The following SLC12A7 variants were observed in gnomAD, a reference collection of about 807,000 sequenced individuals.
SLC12A7 encodes the protein solute carrier family 12 member 7, also known as K-Cl cotransporter 4.
A neutral mutation model predicts 120.6 loss-of-function variants in SLC12A7; 100 were observed. The ratio of observed to expected loss-of-function variants is 0.83; its 90% CI spans 0.71 to 0.98. The LOEUF (loss-of-function observed/expected upper bound fraction) is 0.98, where lower values mean the gene tolerates loss of function less well. SLC12A7 is among the 50% of genes least tolerant of loss of function. The probability of loss-of-function intolerance (pLI) is 0.00; values close to 1 mark genes in which losing one functional copy is unlikely to be tolerated. For missense variants in SLC12A7, 1,373 were observed against 1,548.1 expected (o/e 0.89, Z 1.90); for synonymous variants, 760 against 678.0 (o/e 1.12, Z -1.88).
At chr5:1,085,164 C>T (rs1012340564) in intron 7 of SLC12A7, 68 bp downstream of exon 7, 140 of 1,567,568 alleles carry the variant, frequency 8.9e-5, no homozygotes, top group Non-Finnish European at 1.1e-4. Context: ...GGACGAGAGG[C>T]GGGCAGAGCC....
intron 1 of SLC12A7, among the ~76,000 whole-genome samples, chr5:1,099,849 C>T (rs1231165014): frequency 6.6e-6 from 1 of 152,236 alleles, no homozygotes; most frequent in Non-Finnish European, 1.5e-5. Flanking sequence ...GGCCCCTTCA[C>T]AACCACCACG....
At chr5:1,142,554 C>G in the SLC12A7 span, among the ~76,000 whole-genome samples, 7 of 119,952 alleles carry the variant, frequency 5.8e-5, no homozygotes, top group African/African-American at 9.9e-5. Flanking sequence ...CTGTGTGTGT[C>G]TCTCTCTCTG....
At chr5:1,147,652 C>G in the SLC12A7 span, among the ~76,000 whole-genome samples, 1 of 152,204 alleles carries the variant, frequency 6.6e-6, no homozygotes, top group Non-Finnish European at 1.5e-5. Flanking sequence ...TCTCTGCTCC[C>G]CTTCAAGATG....
chr5:1,073,621 C>T lies in SLC12A7; in HGVS notation c.2241+12G>A, dbSNP rs375251133. 5.6e-6 allele frequency: 9 copies of T among 1,596,148 alleles called. No homozygotes were observed. The highest frequency in any genetic ancestry group is 1.8e-5 in the Admixed American group (1 of 56,658). On this transcript the variant is annotated intron_variant, in intron 17 of 23. Transcript: ENST00000264930. ...GGAAAGAGGCCTGGCCCCCAGACCC[C>T]GCCCGGCCCACCTCCTCGGCCCGCT...
At chr5:1,115,108 C>G (rs948868701), upstream of SLC12A7, among the ~76,000 whole-genome samples, 2 of 152,238 alleles carry the variant, frequency 1.3e-5, no homozygotes, top group African/African-American at 4.8e-5. Context: ...GCATCGGTGT[C>G]CAGCTTTGCC....
the SLC12A7 span, among the ~76,000 whole-genome samples, chr5:1,120,335 C>T: frequency 6.6e-6 from 1 of 152,242 alleles, no homozygotes; most frequent in African/African-American, 2.4e-5. Context: ...CCGGATCACA[C>T]GAAGACGGCT....
chr5:1,135,089 T>C, the SLC12A7 span, among the ~76,000 whole-genome samples: 1 of 152,300 alleles, frequency 6.6e-6, no homozygotes, highest in South Asian at 2.1e-4. Context: ...ATCTCACCAC[T>C]GCACCCCAGC....
rs1409308123 is a variant in SLC12A7, at chr5:1,089,198, C to G, written c.343-70G>C. On this transcript the variant is annotated intron_variant, in intron 3 of 23. Coordinates refer to ENST00000264930, the MANE Select transcript of SLC12A7 (RefSeq NM_006598.3). ...CAGAGGGAGCCCCCTCCCCAGGCTG[C>G]ACTCAGGCCCTGGGCAGGCAAAGCG... The G allele has an allele frequency of 1.1e-5, 17 of 1,549,878 alleles. No individual in the cohort carries two copies. The Middle Eastern group carries it at 5.2e-4, about 47-fold the overall frequency.
At chr5:1,152,197 G>C in the SLC12A7 span, among the ~76,000 whole-genome samples, 1 of 152,288 alleles carries the variant, frequency 6.6e-6, no homozygotes, top group African/African-American at 2.4e-5. Context: ...CTAGGAGGCT[G>C]TGCGATCGTC....
intron 15 of SLC12A7, 129 bp downstream of exon 15, chr5:1,075,242 G>A (rs2150830723): frequency 1.5e-6 from 2 of 1,318,696 alleles, no homozygotes; most frequent in Non-Finnish European, 2.1e-6. Flanking sequence ...CGTGCTCCCA[G>A]CTGCCCCTGT....
At chr5:1,068,739 G>A (rs952191778) in intron 17 of SLC12A7, among the ~76,000 whole-genome samples, 1 of 152,286 alleles carries the variant, frequency 6.6e-6, no homozygotes, top group African/African-American at 2.4e-5. Flanking sequence ...GGACGGAGAG[G>A]ATCTGCCTGT....
At position 1,076,056 on chromosome 5, in the gene SLC12A7, G is replaced by T. The variant is rs974321886; in HGVS notation, c.1847+82C>A. On this transcript the variant is annotated intron_variant, in intron 14 of 23. Coordinates refer to ENST00000264930, the MANE Select transcript of SLC12A7 (RefSeq NM_006598.3). ...CCAGCCTGTGGGGCTCCTGACGCCT[G>T]TGCTGAGCGGCCTCACCAGTGGCAG... 2.5e-6 allele frequency: 3 copies of T among 1,204,972 alleles called. No homozygotes were observed. The African/African-American group carries it at 4.6e-5, about 18-fold the overall frequency. The allele number at this position is 1,204,972 out of a possible 1,614,324, so 74.6% of individuals were successfully genotyped here. A position where few individuals can be genotyped will look rare whatever the true frequency, so the allele number is the denominator to read the frequency against.
chr5:1,059,413 G>A (rs1307912187), intron 21 of SLC12A7, among the ~76,000 whole-genome samples: 1 of 152,186 alleles, frequency 6.6e-6, no homozygotes, highest in South Asian at 2.1e-4. Context: ...CAAATCCCCT[G>A]CCCCTGCCTC....
intron 17 of SLC12A7, 79 bp downstream of exon 17, chr5:1,073,554 G>C (rs1038969654): frequency 5.5e-6 from 8 of 1,456,802 alleles, no homozygotes; most frequent in Non-Finnish European, 6.5e-6. Flanking sequence ...GACACGCTGC[G>C]ATGAGGACAT....
chr5:1,076,823 A>AAGGGCAGGAAGAT lies in SLC12A7; in HGVS notation c.1630-24_1630-12dup, dbSNP rs781705423. 2.3e-5 allele frequency: 36 copies of AAGGGCAGGAAGAT among 1,583,884 alleles called. No individual in the cohort carries two copies. The highest frequency in any genetic ancestry group is 3.0e-5 in the Non-Finnish European group (35 of 1,158,308). Reference sequence around the variant, plus strand: ...CCCGTGGCCAAACACCTGCAGGGAGAAGGGCAGGAAGATGGGGCAGATGAC... The same window carrying AAGGGCAGGAAGAT: ...CCCGTGGCCAAACACCTGCAGGGAGAAGGGCAGGAAGATAGGGCAGGAAGATGGGGCAGATGAC... On this transcript the variant is annotated splice_polypyrimidine_tract_variant and intron_variant, in intron 12 of 23. Coordinates refer to ENST00000264930, the MANE Select transcript of SLC12A7 (RefSeq NM_006598.3).
At chr5:1,095,505 C>T (rs184933836) in intron 1 of SLC12A7, among the ~76,000 whole-genome samples, 38 of 152,360 alleles carry the variant, frequency 2.5e-4, no homozygotes, top group Admixed American at 1.2e-3. Flanking sequence ...AGACTGGGAA[C>T]GACCAAGCCG....
chr5:1,059,266 A>G (rs1196694754), intron 21 of SLC12A7, among the ~76,000 whole-genome samples: 1 of 152,120 alleles, frequency 6.6e-6, no homozygotes, highest in East Asian at 1.9e-4. Flanking sequence ...AGTGGACAGG[A>G]CCGCAGCTCC....
At chr5:1,064,364 C>T (rs991592719) in intron 18 of SLC12A7, 112 bp from the exon 19 acceptor site, 4 of 1,215,054 alleles carry the variant, frequency 3.3e-6, no homozygotes, top group Non-Finnish European at 3.3e-6. Context: ...AGGGGGGTCC[C>T]CACAAAGCCC....
intron 1 of SLC12A7, among the ~76,000 whole-genome samples, chr5:1,108,689 G>A (rs1386055671): frequency 6.6e-6 from 1 of 152,220 alleles, no homozygotes; most frequent in Non-Finnish European, 1.5e-5. Flanking sequence ...AGATCAGCAC[G>A]ACCGGCGTGC....
Sources: allele counts gnomAD v4.1 joint callset (sites outside exome capture counted in the v4.1 genomes callset), GRCh38; gene constraint gnomAD v4.1.1; transcripts MANE v1.5; gene names NCBI Gene and HGNC (gene_info 2026-07-23, HGNC 2026-07-21).